The following NEMF variants were observed in gnomAD, a reference collection of about 807,000 sequenced individuals.
NEMF encodes ribosome quality control complex subunit NEMF.
A neutral mutation model predicts 162.2 loss-of-function variants in NEMF; 89 were observed. The observed-to-expected ratio is 0.55, with a 90% CI of 0.46 to 0.65. The LOEUF (loss-of-function observed/expected upper bound fraction) is 0.65. Among genes scored for constraint, NEMF ranks in the 30% least tolerant of loss-of-function variants. NEMF has a pLI of 0.00. For missense variants in NEMF, 1,133 were observed against 1,261.9 expected (o/e 0.90, Z 1.55); for synonymous variants, 421 against 404.5 (o/e 1.04, Z -0.49).
At chr14:49,839,826 T>C (rs1306832150) in intron 5 of NEMF, 2 of 152,198 alleles carry the variant, frequency 1.3e-5, no homozygotes, top group East Asian at 3.8e-4. Flanking sequence ...TTCCATATTT[T>C]TTAATTTTAA....
At chr14:49,837,494 C>CA (rs1250388211) in intron 6 of NEMF, among the ~76,000 whole-genome samples, 2 of 150,924 alleles carry the variant, frequency 1.3e-5, no homozygotes, top group African/African-American at 2.4e-5. Context: ...CTAAAACAAA[C>CA]AAAAAAAATA....
At chr14:49,850,319 C>T (rs941113493) in intron 3 of NEMF, among the ~76,000 whole-genome samples, 1 of 152,148 alleles carries the variant, frequency 6.6e-6, no homozygotes, top group African/African-American at 2.4e-5. Context: ...AACTTCTGAC[C>T]TCAAGTGATC....
Position 49,852,678 on chromosome 14 carries a change from C to T in NEMF, c.59+17G>A. 1 of 1,614,122 alleles carries T rather than the reference C, an allele frequency of 6.2e-7. No individual in the cohort carries two copies. Among genetic ancestry groups the T allele is most frequent in the South Asian group, 1.1e-5 (1 of 91,080 alleles). ...CCTGCACTCCCCACACGAGCCTCGT[C>T]ACTTAGGGTACTGTACCTAGCATTC... On this transcript the variant is annotated intron_variant, in intron 1 of 32. Coordinates refer to ENST00000298310, the MANE Select transcript of NEMF (RefSeq NM_004713.6).
At chr14:49,811,788 A>G (rs1172681414) in intron 18 of NEMF, among the ~76,000 whole-genome samples, 5 of 152,186 alleles carry the variant, frequency 3.3e-5, no homozygotes, top group African/African-American at 4.8e-5. Context: ...GAGATAAATT[A>G]CGCTTTGTCA....
intron 26 of NEMF, 123 bp downstream of exon 26, chr14:49,795,668 A>G (rs979698260): frequency 3.6e-6 from 3 of 840,564 alleles, no homozygotes; most frequent in Non-Finnish European, 1.9e-6. Flanking sequence ...ACTAATTTTT[A>G]GTCAAAGGAA....
At chr14:49,830,768 T>G (rs1213445872) in intron 11 of NEMF, among the ~76,000 whole-genome samples, 1 of 152,272 alleles carries the variant, frequency 6.6e-6, no homozygotes, top group African/African-American at 2.4e-5. Flanking sequence ...GAGTGACTAT[T>G]AACAATTTAT....
intron 22 of NEMF, 98 bp downstream of exon 22, chr14:49,802,355 T>C (rs1366945933): frequency 2.2e-6 from 3 of 1,367,682 alleles, no homozygotes; most frequent in South Asian, 1.4e-5. Flanking sequence ...TTTTTGAAAT[T>C]TAGATTATCC....
In NEMF at chr14:49,783,820, G is replaced by GAATT. The variant is rs2139809913; in HGVS notation, c.*812_*815dup. 6.6e-6 allele frequency: 1 copy of GAATT among 152,202 alleles called. No homozygotes were observed. The highest frequency in any genetic ancestry group is 2.4e-5 in the African/African-American group (1 of 41,532). 9.4% of individuals were successfully genotyped at this position (152,202 alleles called of 1,614,324 possible). ...TAGAAATGATTAAGCTGAGTCATGAGAATTATTACTTATATTTTACATTTT... is the reference window on the plus strand; with the variant it reads ...TAGAAATGATTAAGCTGAGTCATGAGAATTAATTATTACTTATATTTTACATTTT... On this transcript the variant is annotated 3_prime_UTR_variant, in exon 33 of 33. Transcript: ENST00000298310.
At chr14:49,809,617 C>A (rs959347800) in intron 18 of NEMF, among the ~76,000 whole-genome samples, 1 of 152,186 alleles carries the variant, frequency 6.6e-6, no homozygotes, top group Admixed American at 6.5e-5. Flanking sequence ...AATCCCAGCA[C>A]TTTGGGAGGC....
rs1250842917 is a variant in NEMF at position 49,783,685 on chromosome 14, T to C, written c.*951A>G. On this transcript the variant is annotated 3_prime_UTR_variant, in exon 33 of 33. Transcript: ENST00000298310. Reference sequence around the variant, plus strand: ...TCTGGTATTATAGGTTAAGATACTCTAACGTGCTATATTGGTAATTAATTA... The same window carrying C: ...TCTGGTATTATAGGTTAAGATACTCCAACGTGCTATATTGGTAATTAATTA... The C allele has an allele frequency of 6.6e-6, 1 of 152,140 alleles. No individual in the cohort carries two copies. The highest frequency in any genetic ancestry group is 2.4e-5 in the African/African-American group (1 of 41,432). The allele number at this position is 152,140 out of a possible 1,614,324, so 9.4% of individuals were successfully genotyped here. A position where few individuals can be genotyped will look rare whatever the true frequency, so the allele number is the denominator to read the frequency against.
chr14:49,837,056 C>T (rs1329485910), intron 6 of NEMF, among the ~76,000 whole-genome samples: 3 of 152,094 alleles, frequency 2.0e-5, no homozygotes, highest in South Asian at 2.1e-4. Flanking sequence ...AGGTGGATCA[C>T]GAGGTCAAGA....
At chr14:49,825,081 CAATT>C (rs1354429580) in intron 16 of NEMF, among the ~76,000 whole-genome samples, 3 of 152,020 alleles carry the variant, frequency 2.0e-5, no homozygotes, top group African/African-American at 4.8e-5. Context: ...AATGAAATGA[CAATT>C]AATAACTCCA....
chr14:49,806,232 G>GTGTATATATA (rs33975647), intron 18 of NEMF, 99 bp from the exon 19 acceptor site: 3 of 36,260 alleles, frequency 8.3e-5, no homozygotes, highest in South Asian at 2.7e-4. Context: ...AATGATATGT[G>GTGTATATATA]TATATATATA....
At chr14:49,820,877 C>T (rs1891975870) in intron 16 of NEMF, among the ~76,000 whole-genome samples, 1 of 152,100 alleles carries the variant, frequency 6.6e-6, no homozygotes, top group South Asian at 2.1e-4. Context: ...GCCTCGGCAT[C>T]CCAAGGTGCC....
chr14:49,788,308 G>A (rs1218354207), intron 28 of NEMF, among the ~76,000 whole-genome samples: 2 of 143,076 alleles, frequency 1.4e-5, no homozygotes, highest in Non-Finnish European at 1.5e-5. Context: ...TCAAGAAGAG[G>A]TACATATTCA....
At chr14:49,822,374 A>T (rs1892116116) in intron 16 of NEMF, among the ~76,000 whole-genome samples, 1 of 151,224 alleles carries the variant, frequency 6.6e-6, no homozygotes, top group South Asian at 2.1e-4. Flanking sequence ...TACAAAAGTT[A>T]GCCGGGCATG....
intron 28 of NEMF, 140 bp downstream of exon 28, chr14:49,789,006 G>T: frequency 1.4e-6 from 1 of 697,680 alleles, no homozygotes. Context: ...AGTCTTTCAG[G>T]TTGTATTTCT....
rs1407951412 is a variant in NEMF, at chr14:49,806,230, GTGTATATA to G, written c.1745-105_1745-98del. On this transcript the variant is annotated intron_variant, in intron 18 of 32. Coordinates refer to ENST00000298310, the MANE Select transcript of NEMF (RefSeq NM_004713.6). ...TGCCGCATGACAGGGTCAATGATAT[GTGTATATA>G]TATATATATATATATATATTTTTTT... is the stretch of plus-strand genomic sequence containing the variant. 7.6e-4 allele frequency: 79 copies of G among 104,312 alleles called. 2 individuals are homozygous for G. In the African/African-American group the frequency reaches 0.012, roughly 15 times the overall value. The allele number at this position is 104,312 out of a possible 1,614,324, so 6.5% of individuals were successfully genotyped here.
chr14:49,850,730 G>T (rs1318238659), intron 3 of NEMF, among the ~76,000 whole-genome samples: 1 of 151,326 alleles, frequency 6.6e-6, no homozygotes, highest in Non-Finnish European at 1.5e-5. Context: ...AAAAAATACT[G>T]ACTGGGTACA....
Sources: allele counts gnomAD v4.1 joint callset (sites outside exome capture counted in the v4.1 genomes callset), GRCh38; gene constraint gnomAD v4.1.1; transcripts MANE v1.5; gene names NCBI Gene and HGNC (gene_info 2026-07-23, HGNC 2026-07-21).